Variants in EFCAB7 observed in about 807,000 individuals in gnomAD.
EFCAB7 encodes EF-hand calcium binding domain 7.
Under a neutral mutation model 77.1 loss-of-function variants are expected in EFCAB7, and 66 were observed. That is an observed-to-expected ratio of 0.86 (90% CI 0.70 to 1.05). The LOEUF (loss-of-function observed/expected upper bound fraction) is 1.05. Among genes scored for constraint, EFCAB7 ranks in the 50% least tolerant of loss-of-function variants. The pLI is 0.00. For missense variants in EFCAB7, 638 were observed against 730.5 expected (o/e 0.87, Z 1.46); for synonymous variants, 225 against 243.3 (o/e 0.92, Z 0.70).
rs746216862 is a variant in EFCAB7, at chr1:63,525,625, C to T, written c.53C>T (p.Pro18Leu). Residue 18 changes from proline to leucine, a missense_variant, in exon 2 of 14, where the codon CCT (proline) becomes CTT (leucine). Physicochemically the swap from Pro to Leu is moderately conservative, Grantham distance 98 (BLOSUM62 -3). Coordinates refer to ENST00000371088, the MANE Select transcript of EFCAB7 (RefSeq NM_032437.4). Reference protein sequence around the residue: ...DATFSSQKSTPSESPRTKKFP... With the variant: ...DATFSSQKSTLSESPRTKKFP... ...ACTTTCTCCAGTCAGAAATCAACACCTTCAGAGAGTCCTCGAACAAAGAAA... is the reference window on the plus strand; with the variant it reads ...ACTTTCTCCAGTCAGAAATCAACACTTTCAGAGAGTCCTCGAACAAAGAAA... The T allele has an allele frequency of 1.9e-6, 3 of 1,596,504 alleles. No homozygotes were observed. The highest frequency in any genetic ancestry group is 1.4e-5 in the African/African-American group (1 of 73,454).
intron 6 of EFCAB7, 109 bp from the exon 7 acceptor site, chr1:63,545,807 G>T (rs1247383909): frequency 1.9e-5 from 17 of 902,948 alleles, no homozygotes; most frequent in Non-Finnish European, 2.9e-5. Flanking sequence ...GGAGAGCAAT[G>T]ATTATATTTG....
chr1:63,539,139 T>C (rs902673123), intron 6 of EFCAB7, among the ~76,000 whole-genome samples: 9 of 152,242 alleles, frequency 5.9e-5, no homozygotes, highest in Admixed American at 2.0e-4. Flanking sequence ...GTCCTGTTAA[T>C]CTGTGGCACT....
chr1:63,555,495 A>G lies in EFCAB7; in HGVS notation c.1194A>G (p.Leu398=), dbSNP rs1226257128. 1 of 1,612,542 alleles carries G rather than the reference A, an allele frequency of 6.2e-7. No homozygotes were observed. Among genetic ancestry groups the G allele is most frequent in the South Asian group, 1.1e-5 (1 of 90,962 alleles). The change falls in exon 9 of 14, where the codon TTA becomes TTG. Residue 398 remains leucine (L), a synonymous_variant. Transcript: ENST00000371088. ...QLVYRDETGE[L]FLTKEFKSTL... ...TATATAGAGATGAAACAGGGGAATT[A>G]TTCCTTACAAAGGAATTTAAGTAAG...
chr1:63,554,889 TTTTTA>T (rs1647011731), intron 8 of EFCAB7, among the ~76,000 whole-genome samples: 1 of 152,234 alleles, frequency 6.6e-6, no homozygotes, highest in Non-Finnish European at 1.5e-5. Flanking sequence ...ATATATTTAA[TTTTTA>T]TTTTATGTCA....
intron 5 of EFCAB7, among the ~76,000 whole-genome samples, chr1:63,533,858 T>C (rs1298352854): frequency 1.3e-5 from 2 of 152,164 alleles, no homozygotes; most frequent in Non-Finnish European, 2.9e-5. Flanking sequence ...TTATATTTTA[T>C]TAAAACTAAA....
At chr1:63,573,642 G>A (rs1013703119), downstream of EFCAB7, among the ~76,000 whole-genome samples, 2 of 152,154 alleles carry the variant, frequency 1.3e-5, no homozygotes, top group South Asian at 2.1e-4. Context: ...GTGAATAGGA[G>A]TATGACTAGA....
the EFCAB7 span, among the ~76,000 whole-genome samples, chr1:63,584,530 C>A: frequency 1.3e-5 from 2 of 152,060 alleles, no homozygotes; most frequent in Non-Finnish European, 2.9e-5. Flanking sequence ...CCAGCCTGGG[C>A]AATGGAGCAA....
At chr1:63,543,943 A>ATTCTT (rs1242435462) in intron 6 of EFCAB7, among the ~76,000 whole-genome samples, 5 of 149,016 alleles carry the variant, frequency 3.4e-5, no homozygotes, top group African/African-American at 9.9e-5. Flanking sequence ...TTCAAGTTTT[A>ATTCTT]TTCTTTTCTT....
intron 10 of EFCAB7, among the ~76,000 whole-genome samples, chr1:63,561,383 A>C (rs140929233): frequency 6.6e-6 from 1 of 152,206 alleles, no homozygotes; most frequent in Non-Finnish European, 1.5e-5. Flanking sequence ...ATAACAACGT[A>C]TGCTCTAAAT....
At chr1:63,560,712 G>A (rs1383200069) in intron 10 of EFCAB7, among the ~76,000 whole-genome samples, 1 of 151,918 alleles carries the variant, frequency 6.6e-6, no homozygotes, top group African/African-American at 2.4e-5. Flanking sequence ...AGTAGAGATG[G>A]GGTTTCACCA....
chr1:63,527,738 T>A (rs1167294458), intron 2 of EFCAB7: 1 of 152,224 alleles, frequency 6.6e-6, no homozygotes, highest in African/African-American at 2.4e-5. Context: ...ACTGAGTACA[T>A]GTTTTGGCAT....
chr1:63,579,979 A>G, the EFCAB7 span, among the ~76,000 whole-genome samples: 1 of 152,008 alleles, frequency 6.6e-6, no homozygotes, highest in Non-Finnish European at 1.5e-5. Context: ...CTTTTATTGG[A>G]TATGTTATTT....
chr1:63,531,752 G>GA (rs1281068619), intron 2 of EFCAB7, 68 bp from the exon 3 acceptor site: 18 of 1,362,256 alleles, frequency 1.3e-5, no homozygotes, highest in East Asian at 4.7e-5. Flanking sequence ...ATGATTTGAA[G>GA]AAAAAAATGC....
Position 63,533,481 on chromosome 1 carries a change from G to A in EFCAB7, c.514G>A (p.Glu172Lys), listed in dbSNP as rs775237667. The A allele has an allele frequency of 6.9e-6, 11 of 1,602,652 alleles. No homozygotes were observed. Among genetic ancestry groups the A allele is most frequent in the Admixed American group, 5.3e-5 (3 of 56,412 alleles). Residue 172 changes from glutamate to lysine, a missense_variant, in exon 5 of 14, where the codon GAG becomes AAG. Physicochemically the swap from Glu to Lys is moderately conservative, Grantham distance 56. Coordinates refer to ENST00000371088, the MANE Select transcript of EFCAB7 (RefSeq NM_032437.4). ...KFCKLYMTTN[E>K]QCLKTTLEKL... ...TTGTAAATTATATATGACAACCAAC[G>A]AGCAATGTCTCAAGACTACACTAGA...
intron 7 of EFCAB7, chr1:63,549,044 A>T (rs1009043637): frequency 4.1e-6 from 1 of 245,448 alleles, no homozygotes; most frequent in Admixed American, 5.4e-5. Flanking sequence ...CGCCACTATG[A>T]CTCCGCCGGA....
chr1:63,558,980 C>T (rs1042505156), intron 10 of EFCAB7, among the ~76,000 whole-genome samples: 3 of 149,560 alleles, frequency 2.0e-5, no homozygotes, highest in Admixed American at 6.7e-5. Flanking sequence ...GCCAGGATTT[C>T]AAGACCAGCC....
chr1:63,539,719 AG>A (rs1646805712), intron 6 of EFCAB7, among the ~76,000 whole-genome samples: 1 of 152,218 alleles, frequency 6.6e-6, no homozygotes, highest in South Asian at 2.1e-4. Flanking sequence ...GTAATTCTAA[AG>A]TATTATCCTT....
At position 63,538,552 on chromosome 1, in the gene EFCAB7, C is replaced by T. The variant is rs1397356150; in HGVS notation, c.804+4336C>T. Among the ~76,000 whole-genome samples, 12 of 151,898 alleles carry T rather than the reference C, an allele frequency of 7.9e-5. No individual in the cohort carries two copies. In the East Asian group the frequency reaches 1.7e-3, roughly 22 times the overall value. Reference sequence around the variant, plus strand: ...CACTGCAACCTCCGCCTCCCGAGTTCGAGTGATTCTCCTGCCTCAGCCTCC... The same window carrying T: ...CACTGCAACCTCCGCCTCCCGAGTTTGAGTGATTCTCCTGCCTCAGCCTCC... On this transcript the variant is annotated intron_variant, in intron 6 of 13. Transcript: ENST00000371088.
downstream of EFCAB7, among the ~76,000 whole-genome samples, chr1:63,575,245 ATTC>A (rs1557693605): frequency 6.6e-6 from 1 of 152,048 alleles, no homozygotes; most frequent in Non-Finnish European, 1.5e-5. Context: ...GTCATGACAT[ATTC>A]TTAAATTACT....
Sources: allele counts gnomAD v4.1 joint callset (sites outside exome capture counted in the v4.1 genomes callset), GRCh38; gene constraint gnomAD v4.1.1; transcripts MANE v1.5; gene names NCBI Gene and HGNC (gene_info 2026-07-23, HGNC 2026-07-21).